The following PSMA8 variants were observed in gnomAD, a reference collection of about 807,000 sequenced individuals.
PSMA8 encodes proteasome 20S subunit alpha 8.
A neutral mutation model predicts 32.4 loss-of-function variants in PSMA8; 18 were observed. The ratio of observed to expected loss-of-function variants is 0.56; its 90% confidence interval spans 0.38 to 0.82. PSMA8 has a LOEUF of 0.82. Ranked by LOEUF, PSMA8 falls within the 40% of genes least tolerant of loss-of-function variation. PSMA8 has a pLI of 0.00. For missense variants in PSMA8, 298 were observed against 300.7 expected (o/e 0.99, Z 0.07); for synonymous variants, 104 against 98.1 (o/e 1.06, Z -0.36).
intron 3 of PSMA8, among the ~76,000 whole-genome samples, chr18:26,152,525 A>G (rs1272297592): frequency 6.6e-6 from 1 of 152,020 alleles, no homozygotes; most frequent in Non-Finnish European, 1.5e-5. Flanking sequence ...GGGTTTTGCT[A>G]TATTGCCCAG....
At chr18:26,164,678 C>T (rs2055163810) in intron 4 of PSMA8, among the ~76,000 whole-genome samples, 2 of 152,046 alleles carry the variant, frequency 1.3e-5, no homozygotes, top group Non-Finnish European at 2.9e-5. Flanking sequence ...TTAAAGGACA[C>T]TAAAGAATTT....
At chr18:26,146,135 C>A (rs2144282402) in intron 2 of PSMA8, among the ~76,000 whole-genome samples, 1 of 149,208 alleles carries the variant, frequency 6.7e-6, no homozygotes. Context: ...TGCTTATTTG[C>A]CCCTATACAG....
chr18:26,192,260 G>GTAAA (rs71169823), intron 6 of PSMA8, 59 bp from the exon 7 acceptor site: 177,505 of 1,247,870 alleles, frequency 0.14, 21,568 homozygotes, highest in African/African-American at 0.62. Context: ...TCTTCATATT[G>GTAAA]TATTTACATA....
intron 4 of PSMA8, among the ~76,000 whole-genome samples, chr18:26,175,694 A>G (rs977355498): frequency 6.6e-6 from 1 of 152,238 alleles, no homozygotes; most frequent in Non-Finnish European, 1.5e-5. Flanking sequence ...AGGTCTGTCA[A>G]GTGAGATTGT....
At chr18:26,176,909 G>A (rs1028587280) in intron 4 of PSMA8, among the ~76,000 whole-genome samples, 1 of 152,068 alleles carries the variant, frequency 6.6e-6, no homozygotes, top group African/African-American at 2.4e-5. Flanking sequence ...CTCCAGCCTG[G>A]GCGACAGAGT....
chr18:26,136,740 T>G (rs889958650), intron 1 of PSMA8, among the ~76,000 whole-genome samples: 1 of 152,210 alleles, frequency 6.6e-6, no homozygotes, highest in African/African-American at 2.4e-5. Context: ...ACCAACTGGA[T>G]AGTAAGATCT....
Position 26,186,248 on chromosome 18 carries a change from C to CAAAA in PSMA8, c.661-6045_661-6042dup, listed in dbSNP as rs534639436. On this transcript the variant is annotated intron_variant, in intron 6 of 6. Transcript: ENST00000415576. ...TGGGCAACACAGGGAGACTCTGTCT[C>CAAAA]AAAAAAAAAAAAAAAAAAAAAAAAA... 3.2e-4 allele frequency among the ~76,000 whole-genome samples: 9 copies of CAAAA among 27,838 alleles called. 1 individual carries two copies. Among genetic ancestry groups the CAAAA allele is most frequent in the Admixed American group, 5.7e-4 (1 of 1,754 alleles). 18.3% of individuals were successfully genotyped at this position (27,838 alleles called of 152,430 possible).
At chr18:26,186,278 C>G (rs559665682) in intron 6 of PSMA8, among the ~76,000 whole-genome samples, 2 of 89,374 alleles carry the variant, frequency 2.2e-5, no homozygotes, top group Admixed American at 1.2e-4. Flanking sequence ...AAAAAAAAAA[C>G]GCAAAGTGAG....
At chr18:26,146,996 A>C (rs2055008764) in intron 2 of PSMA8, among the ~76,000 whole-genome samples, 1 of 152,092 alleles carries the variant, frequency 6.6e-6, no homozygotes, top group South Asian at 2.1e-4. Context: ...GGAAGAAGAG[A>C]GAGAGAAGGG....
intron 2 of PSMA8, among the ~76,000 whole-genome samples, 191 bp downstream of exon 2, chr18:26,144,876 T>C (rs1270565783): frequency 6.6e-6 from 1 of 152,234 alleles, no homozygotes; most frequent in Non-Finnish European, 1.5e-5. Flanking sequence ...TGTTAAAAGA[T>C]ATATATTACT....
intron 2 of PSMA8, among the ~76,000 whole-genome samples, chr18:26,145,210 C>T (rs1428646590): frequency 2.0e-5 from 3 of 152,144 alleles, no homozygotes; most frequent in African/African-American, 7.2e-5. Flanking sequence ...CCTCCACCTC[C>T]CGGGTTCAAG....
In PSMA8 at chr18:26,144,695, G is replaced by T. The variant is rs376260690; in HGVS notation, c.229+10G>T. On this transcript the variant is annotated intron_variant, in intron 2 of 6. Coordinates refer to ENST00000415576, the MANE Select transcript of PSMA8 (RefSeq NM_001025096.2). ...TGCATGGCTTTTGCAGGTACTTAAG[G>T]TCCTACAATAATGATGCATAGTGTC... The T allele has an allele frequency of 3.4e-5, 55 of 1,613,210 alleles. No individual in the cohort carries two copies. The highest frequency in any genetic ancestry group is 4.3e-5 in the Non-Finnish European group (51 of 1,179,572).
In PSMA8 at chr18:26,133,873, C is replaced by T; in HGVS notation, c.-93C>T. 5.4e-6 allele frequency: 6 copies of T among 1,106,900 alleles called. No individual in the cohort carries two copies. The South Asian group carries it at 8.1e-5, about 15-fold the overall frequency. The allele number at this position is 1,106,900 out of a possible 1,614,324, so 68.6% of individuals were successfully genotyped here. On this transcript the variant is annotated 5_prime_UTR_variant, in exon 1 of 7. Transcript: ENST00000415576. ...GCTTGAGGCGCGTGTGGAAGCGCTT[C>T]CGGGCGGTAGCACGCTGTGTTGGCG...
intron 4 of PSMA8, among the ~76,000 whole-genome samples, chr18:26,175,658 G>A (rs1316441102): frequency 6.6e-6 from 1 of 152,194 alleles, no homozygotes; most frequent in Non-Finnish European, 1.5e-5. Context: ...GGTGTATGGG[G>A]CAGTATGTCA....
In PSMA8 at chr18:26,178,950, G is replaced by A. The variant is rs765665144; in HGVS notation, c.597+1G>A. On this transcript the variant is annotated splice_donor_variant, in intron 5 of 6. Transcript: ENST00000415576. LOFTEE classifies it high-confidence loss of function. Reference sequence around the variant, plus strand: ...GTTAGCAATAAAAGCTTTGCTAGAAGTAAGTGATCTAATAAAGCATATTCA... The same window carrying A: ...GTTAGCAATAAAAGCTTTGCTAGAAATAAGTGATCTAATAAAGCATATTCA... 4.3e-6 allele frequency: 7 copies of A among 1,612,536 alleles called. 1 individual carries two copies. In the South Asian group the frequency reaches 6.6e-5, roughly 15 times the overall value.
In PSMA8 at chr18:26,185,794, C is replaced by A. The variant is rs559392465; in HGVS notation, c.661-6525C>A. Among the ~76,000 whole-genome samples, 14 of 150,900 alleles carry A rather than the reference C, an allele frequency of 9.3e-5. No individual in the cohort carries two copies. In the South Asian group the frequency reaches 2.9e-3, roughly 31 times the overall value. On this transcript the variant is annotated intron_variant, in intron 6 of 6. Transcript: ENST00000415576. ...ATTTCAATGTATATAGAAATAGTTT[C>A]AATTTTGTTTCTTTACAGAGTTTTA... is the stretch of plus-strand genomic sequence containing the variant.
chr18:26,162,371 A>G (rs1233382331), intron 4 of PSMA8, among the ~76,000 whole-genome samples: 1 of 142,928 alleles, frequency 7.0e-6, no homozygotes, highest in Non-Finnish European at 1.5e-5. Flanking sequence ...CTATGAGTTC[A>G]TTTTTTTTTT....
chr18:26,139,817 A>T (rs2054940390), intron 1 of PSMA8, among the ~76,000 whole-genome samples: 1 of 152,180 alleles, frequency 6.6e-6, no homozygotes, highest in South Asian at 2.1e-4. Flanking sequence ...GGCTTGAAAG[A>T]AAAAAGGTGG....
In PSMA8 at chr18:26,169,805, C is replaced by T. The variant is rs1462802927; in HGVS notation, c.478-9025C>T. Among the ~76,000 whole-genome samples the T allele has an allele frequency of 5.6e-5, 7 of 124,188 alleles. 1 individual carries two copies. The highest frequency in any genetic ancestry group is 1.1e-4 in the Non-Finnish European group (7 of 65,754). 81.5% of individuals were successfully genotyped at this position (124,188 alleles called of 152,430 possible). Reference sequence around the variant, plus strand: ...AGGTTGCAGTAAGCCGAGGTCACACCATTGCATGCTAGCCTGGGCAACAAG... The same window carrying T: ...AGGTTGCAGTAAGCCGAGGTCACACTATTGCATGCTAGCCTGGGCAACAAG... On this transcript the variant is annotated intron_variant, in intron 4 of 6. Coordinates refer to ENST00000415576, the MANE Select transcript of PSMA8 (RefSeq NM_001025096.2).
Sources: allele counts gnomAD v4.1 joint callset (sites outside exome capture counted in the v4.1 genomes callset), GRCh38; gene constraint gnomAD v4.1.1; transcripts MANE v1.5; gene names NCBI Gene and HGNC (gene_info 2026-07-23, HGNC 2026-07-21).